The following CEP152 variants were observed in gnomAD, a reference collection of about 807,000 sequenced individuals.
CEP152 encodes the protein centrosomal protein of 152 kDa.
Under a neutral mutation model 188.9 loss-of-function variants are expected in CEP152, and 132 were observed. That is an observed-to-expected ratio of 0.70 (90% confidence interval 0.61 to 0.81). The LOEUF (loss-of-function observed/expected upper bound fraction) is 0.81, where lower values mean the gene tolerates loss of function less well. Ranked by LOEUF, CEP152 falls within the 30% of genes least tolerant of loss-of-function variation. CEP152 has a pLI of 0.00. For synonymous variants in CEP152, 649 were observed against 666.6 expected, an observed-to-expected ratio of 0.97 and a Z score of 0.41; for missense variants, 1,914 against 1,969.8, an observed-to-expected ratio of 0.97 and a Z score of 0.54.
intron 9 of CEP152, among the ~76,000 whole-genome samples, chr15:48,786,259 G>C (rs992099561): frequency 2.0e-5 from 3 of 152,124 alleles, no homozygotes; most frequent in African/African-American, 7.2e-5. Flanking sequence ...AGTCAGTTTG[G>C]TGGAGAGAGT....
At chr15:48,796,263 G>T in intron 5 of CEP152, 103 bp from the exon 6 acceptor site, 20 of 1,184,764 alleles carry the variant, frequency 1.7e-5, no homozygotes, top group East Asian at 2.7e-5. Flanking sequence ...CTTACTTTTG[G>T]TACAGTTCAA....
At chr15:48,776,570 G>T (rs1260294084) in intron 12 of CEP152, among the ~76,000 whole-genome samples, 8 of 152,090 alleles carry the variant, frequency 5.3e-5, no homozygotes, top group Non-Finnish European at 2.9e-5. Context: ...TTATAACAAT[G>T]ATATTGCATT....
At chr15:48,807,561 CAAAAAA>C (rs11320949) in intron 1 of CEP152, among the ~76,000 whole-genome samples, 1 of 109,122 alleles carries the variant, frequency 9.2e-6, no homozygotes, top group Non-Finnish European at 1.9e-5. Flanking sequence ...GACTCCGTCT[CAAAAAA>C]AAAAAAAAAA....
chr15:48,777,297 T>G (rs915503867), intron 12 of CEP152, among the ~76,000 whole-genome samples: 1 of 152,092 alleles, frequency 6.6e-6, no homozygotes, highest in Non-Finnish European at 1.5e-5. Context: ...GAAAAATGGG[T>G]GCAGCATATC....
Position 48,739,119 on chromosome 15 carries a change from C to A in CEP152, c.4263G>T (p.Arg1421Ser). Reference protein sequence around the residue: ...PKRRAACNLQRLLENSEHQSI... With the variant: ...PKRRAACNLQSLLENSEHQSI... ...TCTGATGCTCTGAGTTCTCTAACAG[C>A]CTTTGTAAGTTACAAGCTGCCCTCC... The change falls in exon 27 of 27, where the codon AGG becomes AGT. Residue 1421 changes from arginine (R) to serine (S), a missense_variant. Physicochemically the swap from Arg to Ser is moderately radical, Grantham distance 110. Transcript: ENST00000380950. The A allele has an allele frequency of 1.2e-6, 2 of 1,614,188 alleles. No individual in the cohort carries two copies. The highest frequency in any genetic ancestry group is 1.7e-6 in the Non-Finnish European group (2 of 1,180,008).
rs773577017 is a variant in CEP152, at chr15:48,742,060, A to G, written c.3876T>C (p.Ala1292=). ...LRYIQESKER[A]AEMVKAEVLR... is the part of the protein sequence containing the mutation. ...GTACCTCTGCTTTTACCATTTCTGC[A>G]GCTCGTTCCTTACTCTCCTGAATAT... The change falls in exon 25 of 27, where the codon GCT becomes GCC. Residue 1292 remains alanine, a synonymous_variant. Transcript: ENST00000380950. 6.2e-7 allele frequency: 1 copy of G among 1,614,116 alleles called. No homozygotes were observed. Among genetic ancestry groups the G allele is most frequent in the South Asian group, 1.1e-5 (1 of 91,080 alleles).
At chr15:48,795,957 C>T in intron 6 of CEP152, 53 bp downstream of exon 6, 1 of 1,488,378 alleles carries the variant, frequency 6.7e-7, no homozygotes, top group Non-Finnish European at 9.4e-7. Flanking sequence ...ATTGTGTATT[C>T]AAATTTCCCC....
At chr15:48,786,967 G>A (rs1217568732) in intron 9 of CEP152, among the ~76,000 whole-genome samples, 3 of 151,896 alleles carry the variant, frequency 2.0e-5, no homozygotes, top group African/African-American at 7.3e-5. Flanking sequence ...ACCCAATAAG[G>A]AAAAGCCACC....
intron 17 of CEP152, among the ~76,000 whole-genome samples, chr15:48,766,070 T>G (rs1895067232): frequency 6.6e-6 from 1 of 152,198 alleles, no homozygotes; most frequent in Non-Finnish European, 1.5e-5. Context: ...CTCACTTTTA[T>G]ACTGCCATCC....
chr15:48,744,748 G>A, intron 23 of CEP152, 148 bp downstream of exon 23: 1 of 732,196 alleles, frequency 1.4e-6, no homozygotes, highest in Non-Finnish European at 2.2e-6. Flanking sequence ...GGTCACTAGA[G>A]GGTATCTTCA....
chr15:48,777,466 T>TTG (rs35650877), intron 12 of CEP152, among the ~76,000 whole-genome samples: 2,624 of 147,418 alleles, frequency 0.018, 68 homozygotes, highest in African/African-American at 0.053. Context: ...TCTTAGAATA[T>TTG]TGTGTGTGTG....
At chr15:48,741,869 G>C in intron 25 of CEP152, 78 bp downstream of exon 25, 4 of 1,613,118 alleles carry the variant, frequency 2.5e-6, no homozygotes, top group Non-Finnish European at 2.5e-6. Flanking sequence ...AGTTAATTTA[G>C]TGGTTAAGGA....
At chr15:48,796,767 A>G (rs554845491) in intron 5 of CEP152, among the ~76,000 whole-genome samples, 114 of 152,290 alleles carry the variant, frequency 7.5e-4, no homozygotes, top group African/African-American at 2.7e-3. Context: ...TTACTTCATT[A>G]AACTCCCCCC....
chr15:48,773,657 A>G (rs1027625593), intron 12 of CEP152: 1 of 152,256 alleles, frequency 6.6e-6, no homozygotes, highest in Non-Finnish European at 1.5e-5. Context: ...GCCATAATGC[A>G]AAGACTTCCT....
chr15:48,777,788 A>C (rs1245630316), intron 12 of CEP152, among the ~76,000 whole-genome samples: 1 of 152,182 alleles, frequency 6.6e-6, no homozygotes, highest in African/African-American at 2.4e-5. Flanking sequence ...CTCGGTTAAC[A>C]AATTATGCAT....
intron 2 of CEP152, chr15:48,729,192 A>AAAAAGTTAT (rs949523288): frequency 6.6e-6 from 1 of 152,204 alleles, no homozygotes; most frequent in African/African-American, 2.4e-5. Context: ...AAGATCTAAA[A>AAAAAGTTAT]AAAAGTTATA....
At chr15:48,808,899 T>C (rs927360337) in intron 1 of CEP152, among the ~76,000 whole-genome samples, 2 of 152,198 alleles carry the variant, frequency 1.3e-5, no homozygotes, top group African/African-American at 4.8e-5. Flanking sequence ...GCAGATTAAG[T>C]ATACAGTATG....
rs557435739 is a variant in CEP152, at chr15:48,752,255, G to T, written c.3466+94C>A. ...TAAGTCAGACGATTATTACCCATTT[G>T]TTCACATCTATGATCTCCTTTTATC... On this transcript the variant is annotated intron_variant, in intron 21 of 26. Coordinates refer to ENST00000380950, the MANE Select transcript of CEP152 (RefSeq NM_001194998.2). 1.9e-5 allele frequency: 31 copies of T among 1,601,766 alleles called. No individual in the cohort carries two copies. The South Asian group carries it at 3.2e-4, about 17-fold the overall frequency.
chr15:48,791,438 C>T, intron 7 of CEP152, 62 bp from the exon 8 acceptor site: 2 of 1,404,970 alleles, frequency 1.4e-6, no homozygotes, highest in Non-Finnish European at 2.0e-6. Context: ...ATGTCACAAT[C>T]CCAATCAGAT....
Sources: gnomAD v4.1 joint callset for allele counts (sites outside exome capture counted in the v4.1 genomes callset) on GRCh38, gnomAD v4.1.1 for gene constraint, MANE v1.5 for transcripts, NCBI Gene and HGNC (gene_info 2026-07-23, HGNC 2026-07-21) for gene names.